RCAN2: variants seen among roughly 807,000 people sequenced by gnomAD.
RCAN2 encodes the protein calcipressin-2.
In RCAN2, 9 loss-of-function variants were observed where a neutral mutation model predicts 23.6. The observed-to-expected ratio is 0.38, with a 90% CI of 0.23 to 0.67. The LOEUF (loss-of-function observed/expected upper bound fraction) is 0.67. RCAN2 is among the 30% of genes least tolerant of loss of function. The pLI is 0.51. For synonymous variants in RCAN2, 109 were observed against 115.7 expected, an observed-to-expected ratio of 0.94 and a Z score of 0.37; for missense variants, 273 against 302.3, an observed-to-expected ratio of 0.90 and a Z score of 0.72.
intron 2 of RCAN2, among the ~76,000 whole-genome samples, chr6:46,348,585 G>A (rs1432660857): frequency 6.6e-6 from 1 of 152,174 alleles, no homozygotes; most frequent in Non-Finnish European, 1.5e-5. Context: ...TCAGGGTTCA[G>A]GCTCAGGCTC....
At chr6:46,259,812 A>G (rs1767049869) in intron 2 of RCAN2, among the ~76,000 whole-genome samples, 1 of 152,200 alleles carries the variant, frequency 6.6e-6, no homozygotes, top group Admixed American at 6.5e-5. Context: ...ATCATTTGCT[A>G]TAATGGCTTA....
chr6:46,358,737 G>A (rs1764913206), intron 2 of RCAN2, among the ~76,000 whole-genome samples: 2 of 152,080 alleles, frequency 1.3e-5, no homozygotes, highest in Admixed American at 1.3e-4. Context: ...ATGCTGCTAG[G>A]GCTGGTCTTG....
chr6:46,227,215 T>C (rs9766416), intron 4 of RCAN2, among the ~76,000 whole-genome samples: 12,136 of 152,242 alleles, frequency 0.08, 1,676 homozygotes, highest in African/African-American at 0.28. Flanking sequence ...ATTTTTGCAT[T>C]GATGTTCATC....
At chr6:46,248,114 T>C (rs1766582959) in intron 3 of RCAN2, among the ~76,000 whole-genome samples, 1 of 152,216 alleles carries the variant, frequency 6.6e-6, no homozygotes, top group African/African-American at 2.4e-5. Flanking sequence ...AGGGCACTAA[T>C]GGAACATGAT....
intron 2 of RCAN2, among the ~76,000 whole-genome samples, chr6:46,299,529 G>C (rs1212699389): frequency 6.6e-6 from 1 of 151,974 alleles, no homozygotes; most frequent in Non-Finnish European, 1.5e-5. Context: ...TGAGAATACA[G>C]CTTTTCTTCA....
rs1046902445 is a variant in RCAN2, at chr6:46,403,114, G to A, written c.225+53638C>T. Among the ~76,000 whole-genome samples the A allele has an allele frequency of 3.9e-5, 6 of 152,000 alleles. No homozygotes were observed. The East Asian group carries it at 7.8e-4, about 20-fold the overall frequency. On this transcript the variant is annotated intron_variant, in intron 2 of 4. Transcript: ENST00000371374. ...TGAGTAGCTGGGACTACAGGCGCCCGCCACCACACCCAGCTAATTTTTTTG... is the reference window on the plus strand; with the variant it reads ...TGAGTAGCTGGGACTACAGGCGCCCACCACCACACCCAGCTAATTTTTTTG...
intron 2 of RCAN2, among the ~76,000 whole-genome samples, chr6:46,295,846 C>CA (rs1282515867): frequency 2.0e-5 from 3 of 151,896 alleles, no homozygotes; most frequent in Admixed American, 6.6e-5. Context: ...GGGGAAGCAG[C>CA]AGGAGGGAGG....
intron 1 of RCAN2, among the ~76,000 whole-genome samples, chr6:46,488,322 T>C (rs1769050442): frequency 6.6e-6 from 1 of 152,202 alleles, no homozygotes; most frequent in Admixed American, 6.5e-5. Context: ...GCCTGCCTCA[T>C]AAGGTTAGTG....
rs114561590 is a variant in RCAN2 at position 46,254,274 on chromosome 6, A to G, written c.226-5378T>C. 3.5e-3 allele frequency among the ~76,000 whole-genome samples: 528 copies of G among 152,324 alleles called. 1 individual carries two copies. The highest frequency in any genetic ancestry group is 0.012 in the African/African-American group (507 of 41,564). On this transcript the variant is annotated intron_variant, in intron 2 of 4. Transcript: ENST00000371374. ...ACACTGAACACTGCTGTACAACAGGATCTCAGAAGTAAGGATCCAGTTGGC... is the reference window on the plus strand; with the variant it reads ...ACACTGAACACTGCTGTACAACAGGGTCTCAGAAGTAAGGATCCAGTTGGC...
chr6:46,352,402 C>G (rs934087403), intron 2 of RCAN2, among the ~76,000 whole-genome samples: 1 of 152,146 alleles, frequency 6.6e-6, no homozygotes, highest in African/African-American at 2.4e-5. Context: ...CTCCATCCCA[C>G]CCCGTCCTCC....
chr6:46,264,917 G>T (rs1767268225), intron 2 of RCAN2, among the ~76,000 whole-genome samples: 1 of 152,184 alleles, frequency 6.6e-6, no homozygotes, highest in East Asian at 1.9e-4. Context: ...GGCAGATGAA[G>T]AAACGAGTTA....
chr6:46,309,676 G>A (rs1763191407), intron 2 of RCAN2, among the ~76,000 whole-genome samples: 1 of 152,186 alleles, frequency 6.6e-6, no homozygotes, highest in Non-Finnish European at 1.5e-5. Context: ...GGCTCAATTG[G>A]AGAGTGCTTG....
intron 2 of RCAN2, among the ~76,000 whole-genome samples, chr6:46,351,659 A>G (rs946873750): frequency 8.0e-6 from 1 of 125,104 alleles, no homozygotes; most frequent in Non-Finnish European, 1.8e-5. Context: ...CAGGAAAATA[A>G]GTGATTCAAT....
intron 2 of RCAN2, among the ~76,000 whole-genome samples, chr6:46,449,577 A>AAT (rs1251354521): frequency 3.8e-4 from 57 of 151,690 alleles, no homozygotes; most frequent in African/African-American, 1.3e-3. Flanking sequence ...AAAGCTGACT[A>AAT]CAAAGCTATA....
At chr6:46,299,977 C>A (rs897234343) in intron 2 of RCAN2, among the ~76,000 whole-genome samples, 1 of 151,312 alleles carries the variant, frequency 6.6e-6, no homozygotes, top group East Asian at 1.9e-4. Flanking sequence ...ATGATATACA[C>A]GAAGATAAAG....
chr6:46,309,213 T>C (rs1459241738), intron 2 of RCAN2, among the ~76,000 whole-genome samples: 1 of 152,202 alleles, frequency 6.6e-6, no homozygotes, highest in African/African-American at 2.4e-5. Context: ...AGGTCAGTAA[T>C]ACCCTCATTG....
chr6:46,478,746 T>C (rs1486206568), intron 1 of RCAN2, among the ~76,000 whole-genome samples: 2 of 152,236 alleles, frequency 1.3e-5, no homozygotes, highest in African/African-American at 4.8e-5. Flanking sequence ...TGCTTTTTCT[T>C]TACTCAAAAG....
At chr6:46,398,172 T>C (rs1432371626) in intron 2 of RCAN2, among the ~76,000 whole-genome samples, 1 of 152,226 alleles carries the variant, frequency 6.6e-6, no homozygotes, top group Non-Finnish European at 1.5e-5. Flanking sequence ...TATATATGTA[T>C]GCATAGGGAA....
chr6:46,412,910 G>A (rs567132061), intron 2 of RCAN2, among the ~76,000 whole-genome samples: 14 of 152,242 alleles, frequency 9.2e-5, no homozygotes, highest in African/African-American at 3.1e-4. Context: ...GATATAATAG[G>A]GCTGGTAGAC....
Sources: allele counts gnomAD v4.1 joint callset (sites outside exome capture counted in the v4.1 genomes callset), GRCh38; gene constraint gnomAD v4.1.1; transcripts MANE v1.5; gene names NCBI Gene and HGNC (gene_info 2026-07-23, HGNC 2026-07-21).